RELN: variants seen among roughly 807,000 people sequenced by gnomAD.
The protein encoded by RELN is reelin.
Under a neutral mutation model 427.6 loss-of-function variants are expected in RELN, and 108 were observed. That is an observed-to-expected ratio of 0.25 (90% CI 0.22 to 0.30). The LOEUF is 0.30. Ranked by LOEUF, RELN falls within the 10% of genes least tolerant of loss-of-function variation. The pLI is 1.00. For missense variants in RELN, 3,715 were observed against 4,302.8 expected (o/e 0.86, Z 3.82); for synonymous variants, 1,524 against 1,513.4 (o/e 1.01, Z -0.16).
chr7:103,647,314 A>G, intron 16 of RELN, among the ~76,000 whole-genome samples: 1 of 152,022 alleles, frequency 6.6e-6, no homozygotes, highest in East Asian at 1.9e-4. Context: ...AAAATCCTAA[A>G]AAATTCTCTC....
At chr7:103,794,845 C>G (rs1011044233) in intron 3 of RELN, among the ~76,000 whole-genome samples, 3 of 152,080 alleles carry the variant, frequency 2.0e-5, no homozygotes, top group South Asian at 4.1e-4. Flanking sequence ...TATCAAATGT[C>G]CCCTGGGAGC....
Position 103,565,409 on chromosome 7 carries a change from G to C in RELN, c.5079C>G (p.Asp1693Glu), listed in dbSNP as rs1220396218. The C allele has an allele frequency of 6.2e-7, 1 of 1,614,132 alleles. No individual in the cohort carries two copies. The highest frequency in any genetic ancestry group is 8.5e-7 in the Non-Finnish European group (1 of 1,180,010). Residue 1693 changes from aspartate to glutamate, a missense_variant, in exon 34 of 65, where the codon GAC (aspartate) becomes GAG (glutamate). Coordinates refer to ENST00000428762, the MANE Select transcript of RELN (RefSeq NM_005045.4). ...QLQYSLNNGK[D>E]WHLVTEECVP... ...CACACTCTTCGGTGACAAGATGCCA[G>C]TCCTTGCCATTGTTCAGAGAATACT...
chr7:103,646,367 T>G lies in RELN; in HGVS notation c.2002+3907A>C, dbSNP rs555186489. Among the ~76,000 whole-genome samples the G allele has an allele frequency of 2.4e-4, 37 of 151,750 alleles. No homozygotes were observed. In the South Asian group the frequency reaches 7.5e-3, roughly 31 times the overall value. ...TTAAAAGGTGAACCAAGTTGACCAATCACTAGCTAGACTAACCAAGAAGAG... is the reference window on the plus strand; with the variant it reads ...TTAAAAGGTGAACCAAGTTGACCAAGCACTAGCTAGACTAACCAAGAAGAG... On this transcript the variant is annotated intron_variant, in intron 16 of 64. Coordinates refer to ENST00000428762, the MANE Select transcript of RELN (RefSeq NM_005045.4).
At chr7:103,512,442 T>A (rs1829449399) in intron 50 of RELN, among the ~76,000 whole-genome samples, 1 of 152,220 alleles carries the variant, frequency 6.6e-6, no homozygotes, top group South Asian at 2.1e-4. Flanking sequence ...TGGATAGATA[T>A]TTCTTTTAAT....
At chr7:103,662,354 G>A (rs985232120) in intron 11 of RELN, among the ~76,000 whole-genome samples, 1 of 152,176 alleles carries the variant, frequency 6.6e-6, no homozygotes, top group East Asian at 1.9e-4. Context: ...AGGCATGGTG[G>A]CTCACACATG....
At chr7:103,886,947 C>T (rs1157403857) in intron 2 of RELN, among the ~76,000 whole-genome samples, 3 of 152,110 alleles carry the variant, frequency 2.0e-5, no homozygotes, top group African/African-American at 7.2e-5. Context: ...GGATAATATA[C>T]AAATAAAACT....
At chr7:103,847,496 C>G (rs1300422761) in intron 2 of RELN, among the ~76,000 whole-genome samples, 1 of 152,082 alleles carries the variant, frequency 6.6e-6, no homozygotes, top group African/African-American at 2.4e-5. Flanking sequence ...AGCAAACCAC[C>G]AATGCATGTG....
intron 1 of RELN, among the ~76,000 whole-genome samples, chr7:103,948,481 T>C (rs546541765): frequency 1.3e-5 from 2 of 152,194 alleles, no homozygotes; most frequent in African/African-American, 2.4e-5. Context: ...GAGACCATCC[T>C]GGCCAACATG....
rs940635387 is a variant in RELN, at chr7:103,887,882, G to A, written c.337+29193C>T. Among the ~76,000 whole-genome samples the A allele has an allele frequency of 1.5e-4, 23 of 152,202 alleles. 1 individual carries two copies. Among genetic ancestry groups the A allele is most frequent in the African/African-American group, 5.5e-4 (23 of 41,540 alleles). On this transcript the variant is annotated intron_variant, in intron 2 of 64. Transcript: ENST00000428762. ...GACATTTTCAGAAGAGTTCTAGGAA[G>A]AACATGCTCATCTCTCATTACATAC...
intron 8 of RELN, among the ~76,000 whole-genome samples, chr7:103,720,315 A>G (rs1460710791): frequency 2.6e-5 from 4 of 151,996 alleles, no homozygotes; most frequent in African/African-American, 9.7e-5. Context: ...AGTCTTTTGG[A>G]TAACATTTGT....
chr7:103,761,546 A>AG (rs1791298860), intron 4 of RELN, among the ~76,000 whole-genome samples: 2 of 151,948 alleles, frequency 1.3e-5, no homozygotes, highest in Admixed American at 1.3e-4. Flanking sequence ...TCAACCTCCT[A>AG]GGCTTAAATG....
In RELN at chr7:103,519,637, C is replaced by G. The variant is rs945188243; in HGVS notation, c.7669-121G>C. ...TTGCTCTGTCACCTAGGCTGGAGTGCAGTGGCACCATCACAGCTCACTGCA... is the reference window on the plus strand; with the variant it reads ...TTGCTCTGTCACCTAGGCTGGAGTGGAGTGGCACCATCACAGCTCACTGCA... On this transcript the variant is annotated intron_variant, in intron 48 of 64. Transcript: ENST00000428762. 1.7e-4 allele frequency: 123 copies of G among 710,516 alleles called. No individual in the cohort carries two copies. In the African/African-American group the frequency reaches 2.1e-3, roughly 12 times the overall value. The allele number at this position is 710,516 out of a possible 1,614,324, so 44.0% of individuals were successfully genotyped here. A position where few individuals can be genotyped will look rare whatever the true frequency, so the allele number is the denominator to read the frequency against.
chr7:103,742,091 C>G (rs1254375940), intron 6 of RELN, among the ~76,000 whole-genome samples: 3 of 152,124 alleles, frequency 2.0e-5, no homozygotes, highest in Non-Finnish European at 2.9e-5. Flanking sequence ...GATCAGGCAG[C>G]AACATTTGAG....
In RELN at chr7:103,565,573, T is replaced by C. The variant is rs762283319; in HGVS notation, c.4937-22A>G. On this transcript the variant is annotated intron_variant, in intron 33 of 64. Coordinates refer to ENST00000428762, the MANE Select transcript of RELN (RefSeq NM_005045.4). ...TTTCCTGAAAAAAAAAAATGTGTAA[T>C]GGTAGCATATATGTGTGCCATTTTC... 5 of 1,606,290 alleles carry C rather than the reference T, an allele frequency of 3.1e-6. No homozygotes were observed. In the South Asian group the frequency reaches 5.5e-5, roughly 18 times the overall value.
intron 2 of RELN, among the ~76,000 whole-genome samples, chr7:103,844,750 C>T (rs1283294313): frequency 6.6e-6 from 1 of 152,158 alleles, no homozygotes; most frequent in Non-Finnish European, 1.5e-5. Flanking sequence ...TTAAGTAAAA[C>T]AATTCATATT....
intron 2 of RELN, among the ~76,000 whole-genome samples, chr7:103,872,037 TTTTTTC>T (rs1794351977): frequency 1.0e-5 from 1 of 97,734 alleles, no homozygotes; most frequent in African/African-American, 3.3e-5. Context: ...TATATTTTTC[TTTTTTC>T]TTTTTTTTCT....
At chr7:103,642,002 A>G (rs1832703899) in intron 16 of RELN, among the ~76,000 whole-genome samples, 1 of 152,154 alleles carries the variant, frequency 6.6e-6, no homozygotes. Context: ...TAAGAATTTT[A>G]TTGTCATCTC....
At chr7:103,602,499 C>T (rs1317297753) in intron 24 of RELN, among the ~76,000 whole-genome samples, 2 of 152,066 alleles carry the variant, frequency 1.3e-5, no homozygotes, top group African/African-American at 4.8e-5. Flanking sequence ...TAGTATGCAG[C>T]CATAAAAAAG....
chr7:103,882,714 A>G (rs976391076), intron 2 of RELN, among the ~76,000 whole-genome samples: 2 of 152,244 alleles, frequency 1.3e-5, no homozygotes, highest in Non-Finnish European at 2.9e-5. Flanking sequence ...ATTCCTGGAC[A>G]CATACACCCT....
Sources: gnomAD v4.1 joint callset for allele counts (sites outside exome capture counted in the v4.1 genomes callset) on GRCh38, gnomAD v4.1.1 for gene constraint, MANE v1.5 for transcripts, NCBI Gene and HGNC (gene_info 2026-07-23, HGNC 2026-07-21) for gene names.